ARPP21: variants seen among roughly 807,000 people sequenced by gnomAD.
ARPP21 encodes cAMP regulated phosphoprotein 21, also known as cAMP-regulated phosphoprotein 21.
In ARPP21, 69 loss-of-function variants were observed where a neutral mutation model predicts 113.2. The ratio of observed to expected loss-of-function variants is 0.61; its 90% CI spans 0.50 to 0.74. The LOEUF is 0.74. Among genes scored for constraint, ARPP21 ranks in the 30% least tolerant of loss-of-function variants. The pLI is 0.00. For missense variants in ARPP21, 1,070 were observed against 1,037.4 expected (o/e 1.03, Z -0.43); for synonymous variants, 368 against 375.5 (o/e 0.98, Z 0.23).
chr3:35,700,919 T>C (rs542111343), intron 9 of ARPP21, among the ~76,000 whole-genome samples: 1 of 151,778 alleles, frequency 6.6e-6, no homozygotes, highest in Non-Finnish European at 1.5e-5. Context: ...GAGAAATACC[T>C]AATATAAATG....
intron 19 of ARPP21, among the ~76,000 whole-genome samples, chr3:35,757,511 C>A (rs185962340): frequency 6.6e-6 from 1 of 151,888 alleles, no homozygotes; most frequent in African/African-American, 2.4e-5. Context: ...AAAATAAATC[C>A]GAGAAAAAAG....
intron 5 of ARPP21, among the ~76,000 whole-genome samples, 178 bp from the exon 6 acceptor site, chr3:35,687,561 A>C (rs2149566770): frequency 6.6e-6 from 1 of 151,490 alleles, no homozygotes; most frequent in East Asian, 2.0e-4. Context: ...TTGACTCCTG[A>C]AGATTAAGTC....
In ARPP21 at chr3:35,690,952, T is replaced by C; in HGVS notation, c.633T>C (p.Asn211=). 3 of 1,610,960 alleles carry C rather than the reference T, an allele frequency of 1.9e-6. No individual in the cohort carries two copies. Among genetic ancestry groups the C allele is most frequent in the East Asian group, 2.2e-5 (1 of 44,760 alleles). ...CAGCTTATTTTGGATTGGATCACAA[T>C]GTGGATCAAACAGGAAAATCTGTTA... The part of the protein sequence containing the change: ...RVAAYFGLDH[N]VDQTGKSVII... The change falls in exon 9 of 21, where the codon AAT becomes AAC. Residue 211 remains asparagine, a synonymous_variant. Coordinates refer to ENST00000684406, the MANE Select transcript of ARPP21 (RefSeq NM_001385562.1).
chr3:35,693,543 G>A (rs1211385968), intron 9 of ARPP21, among the ~76,000 whole-genome samples: 2 of 151,642 alleles, frequency 1.3e-5, no homozygotes. Flanking sequence ...CTGAATCATT[G>A]TCAGCAATTT....
At chr3:35,685,192 A>AT in intron 5 of ARPP21, 1 of 985,270 alleles carries the variant, frequency 1.0e-6, no homozygotes, top group Non-Finnish European at 1.2e-6. Context: ...CCAGGAGGAA[A>AT]TTTTTTAAGG....
In ARPP21 at chr3:35,663,035, A is replaced by G. The variant is rs140014051; in HGVS notation, c.-212-16752A>G. 4.1e-3 allele frequency among the ~76,000 whole-genome samples: 619 copies of G among 152,268 alleles called. 3 individuals are homozygous for G. Among genetic ancestry groups the G allele is most frequent in the African/African-American group, 0.014 (593 of 41,564 alleles). On this transcript the variant is annotated intron_variant, in intron 1 of 20. Coordinates refer to ENST00000684406, the MANE Select transcript of ARPP21 (RefSeq NM_001385562.1). Reference sequence around the variant, plus strand: ...CAGAGTAGGGTGACTATATTTAACAAAAAGATACTGTACTCAGGCGATGGA... The same window carrying G: ...CAGAGTAGGGTGACTATATTTAACAGAAAGATACTGTACTCAGGCGATGGA...
At chr3:35,702,863 G>C (rs1260776755) in intron 9 of ARPP21, among the ~76,000 whole-genome samples, 1 of 151,748 alleles carries the variant, frequency 6.6e-6, no homozygotes, top group Non-Finnish European at 1.5e-5. Flanking sequence ...CATCCAAAAT[G>C]TACATACTTT....
At chr3:35,791,135 T>C (rs2096738871) in intron 19 of ARPP21, among the ~76,000 whole-genome samples, 1 of 152,220 alleles carries the variant, frequency 6.6e-6, no homozygotes, top group African/African-American at 2.4e-5. Context: ...TATCCAAGGA[T>C]AGTTAAGTAT....
At chr3:35,749,615 C>A (rs191726412) in intron 19 of ARPP21, among the ~76,000 whole-genome samples, 33 of 152,036 alleles carry the variant, frequency 2.2e-4, no homozygotes, top group Non-Finnish European at 3.4e-4. Flanking sequence ...GGTACTAAAT[C>A]TTCTTTAAAT....
rs1004904264 is a variant in ARPP21 at position 35,757,207 on chromosome 3, C to T, written c.2137+13242C>T. Among the ~76,000 whole-genome samples the T allele has an allele frequency of 2.2e-4, 33 of 150,696 alleles. 1 individual carries two copies. Among genetic ancestry groups the T allele is most frequent in the Admixed American group, 1.8e-3 (27 of 15,120 alleles). On this transcript the variant is annotated intron_variant, in intron 19 of 20. Coordinates refer to ENST00000684406, the MANE Select transcript of ARPP21 (RefSeq NM_001385562.1). ...CTGAGTAGCTGGGATTACAAGCACC[C>T]GCCACCACATCTGGCTAATTAAAAA...
chr3:35,766,066 C>T (rs1042937571), intron 19 of ARPP21, among the ~76,000 whole-genome samples: 2 of 152,082 alleles, frequency 1.3e-5, no homozygotes, highest in Non-Finnish European at 2.9e-5. Context: ...ATTCTAAGTA[C>T]CCCCTCTATT....
intron 11 of ARPP21, chr3:35,715,196 G>A (rs2092189090): frequency 2.4e-6 from 1 of 413,508 alleles, no homozygotes; most frequent in Non-Finnish European, 4.4e-6. Context: ...TGACCTCCAT[G>A]CCGAACAGAC....
chr3:35,681,549 T>G (rs1036876954), intron 2 of ARPP21, 165 bp from the exon 3 acceptor site: 4 of 534,310 alleles, frequency 7.5e-6, no homozygotes, highest in Non-Finnish European at 1.3e-5. Flanking sequence ...ATCTGCCTCT[T>G]GTGCATGCCT....
In ARPP21 at chr3:35,696,560, A is replaced by G. The variant is rs182763778; in HGVS notation, c.686+5555A>G. Reference sequence around the variant, plus strand: ...CATCTTTAGTTAGTTCCTGTCTTCTATCCCATTGTAGGTTGCCAGAAATAT... The same window carrying G: ...CATCTTTAGTTAGTTCCTGTCTTCTGTCCCATTGTAGGTTGCCAGAAATAT... On this transcript the variant is annotated intron_variant, in intron 9 of 20. Transcript: ENST00000684406. Among the ~76,000 whole-genome samples, 19 of 151,688 alleles carry G rather than the reference A, an allele frequency of 1.3e-4. No homozygotes were observed. The East Asian group carries it at 3.5e-3, about 28-fold the overall frequency.
intron 19 of ARPP21, chr3:35,774,835 T>C (rs929693966): frequency 6.6e-6 from 1 of 152,206 alleles, no homozygotes; most frequent in Non-Finnish European, 1.5e-5. Context: ...AGGGCCTCAA[T>C]ACTTTTATCA....
At chr3:35,693,397 A>T (rs1370261306) in intron 9 of ARPP21, among the ~76,000 whole-genome samples, 1 of 151,422 alleles carries the variant, frequency 6.6e-6, no homozygotes, top group African/African-American at 2.4e-5. Flanking sequence ...GTGGCTGTTG[A>T]GGTATGGTGG....
At chr3:35,741,654 T>G (rs1158643799) in intron 18 of ARPP21, among the ~76,000 whole-genome samples, 2 of 152,206 alleles carry the variant, frequency 1.3e-5, no homozygotes, top group African/African-American at 2.4e-5. Flanking sequence ...TTATAGTTTC[T>G]TCTTTCTTTT....
At chr3:35,707,379 T>C in intron 10 of ARPP21, 1 of 567,062 alleles carries the variant, frequency 1.8e-6, no homozygotes, top group Non-Finnish European at 3.4e-6. Flanking sequence ...GGCTCCGAGC[T>C]GTGGAGAAAA....
intron 11 of ARPP21, among the ~76,000 whole-genome samples, chr3:35,714,220 T>C (rs544111796): frequency 3.3e-5 from 5 of 152,324 alleles, no homozygotes; most frequent in African/African-American, 1.2e-4. Flanking sequence ...TGCAGCAAGG[T>C]TAAAGCATAA....
Sources: allele counts gnomAD v4.1 joint callset (sites outside exome capture counted in the v4.1 genomes callset), GRCh38; gene constraint gnomAD v4.1.1; transcripts MANE v1.5; gene names NCBI Gene and HGNC (gene_info 2026-07-23, HGNC 2026-07-21).